RBFOX1: variants seen among roughly 807,000 people sequenced by gnomAD.
The protein encoded by RBFOX1 is RNA binding fox-1 homolog 1.
RBFOX1 carries 8 observed loss-of-function variants against 57.7 expected under a neutral mutation model. The observed-to-expected ratio is 0.14, with a 90% CI of 0.08 to 0.25. The LOEUF is 0.25. Ranked by LOEUF, RBFOX1 falls within the 10% of genes least tolerant of loss-of-function variation. The pLI, the probability that RBFOX1 is intolerant of heterozygous loss-of-function variation, is 1.00. For missense variants in RBFOX1, 611 were observed against 548.5 expected, an observed-to-expected ratio of 1.11 and a Z score of -1.14; for synonymous variants, 326 against 222.4, an observed-to-expected ratio of 1.47 and a Z score of -4.15.
intron 3 of RBFOX1, among the ~76,000 whole-genome samples, chr16:6,831,063 T>A (rs2141039517): frequency 6.6e-6 from 1 of 152,356 alleles, no homozygotes; most frequent in East Asian, 1.9e-4. Context: ...TAATCAAATG[T>A]ACCTCAACCT....
intron 4 of RBFOX1, among the ~76,000 whole-genome samples, chr16:7,096,742 G>A (rs1221305435): frequency 2.0e-5 from 3 of 151,960 alleles, no homozygotes; most frequent in African/African-American, 7.3e-5. Context: ...GACCAGCCTG[G>A]CTAACATGGT....
chr16:5,512,915 C>T (rs1434145585), intron 2 of RBFOX1, among the ~76,000 whole-genome samples: 1 of 152,122 alleles, frequency 6.6e-6, no homozygotes, highest in Non-Finnish European at 1.5e-5. Flanking sequence ...GATGGTTTCT[C>T]AGACTTTCCT....
At chr16:5,594,993 A>G (rs74663396) in intron 2 of RBFOX1, among the ~76,000 whole-genome samples, 1 of 149,834 alleles carries the variant, frequency 6.7e-6, no homozygotes, top group Non-Finnish European at 1.5e-5. Flanking sequence ...AAAAAAAAAA[A>G]AAATTAGCCA....
At chr16:5,547,643 G>A (rs2045267245) in intron 2 of RBFOX1, among the ~76,000 whole-genome samples, 1 of 152,120 alleles carries the variant, frequency 6.6e-6, no homozygotes, top group Non-Finnish European at 1.5e-5. Flanking sequence ...TTACAGAGAG[G>A]CACAAATTCA....
At chr16:5,920,107 G>A (rs1439477038) in intron 4 of RBFOX1, among the ~76,000 whole-genome samples, 5 of 151,916 alleles carry the variant, frequency 3.3e-5, no homozygotes, top group Non-Finnish European at 7.4e-5. Flanking sequence ...CTAATTTTTT[G>A]CATTTTTTGG....
chr16:6,521,292 G>T (rs1345108914), intron 2 of RBFOX1, among the ~76,000 whole-genome samples: 1 of 152,078 alleles, frequency 6.6e-6, no homozygotes, highest in Non-Finnish European at 1.5e-5. Flanking sequence ...TTAAAGAATG[G>T]ATATGTTAAT....
chr16:6,111,146 A>C (rs2096442211), intron 1 of RBFOX1, among the ~76,000 whole-genome samples: 1 of 152,208 alleles, frequency 6.6e-6, no homozygotes, highest in African/African-American at 2.4e-5. Context: ...TTCATAAAGA[A>C]AAATGGCAAT....
At chr16:5,241,274 C>A (rs1170790659) in intron 1 of RBFOX1, among the ~76,000 whole-genome samples, 2 of 152,174 alleles carry the variant, frequency 1.3e-5, no homozygotes, top group Non-Finnish European at 2.9e-5. Flanking sequence ...ACCTGGACAC[C>A]GAACTCAGGT....
chr16:5,790,596 G>T (rs1348473416), intron 3 of RBFOX1, among the ~76,000 whole-genome samples: 1 of 151,988 alleles, frequency 6.6e-6, no homozygotes, highest in South Asian at 2.1e-4. Flanking sequence ...AGGGTTTGGG[G>T]TTTGATCCTG....
At chr16:6,567,195 A>T (rs973536391) in intron 2 of RBFOX1, among the ~76,000 whole-genome samples, 2 of 152,180 alleles carry the variant, frequency 1.3e-5, no homozygotes, top group East Asian at 1.9e-4. Flanking sequence ...AAGCAGTCAG[A>T]CTATTTTAAA....
intron 1 of RBFOX1, among the ~76,000 whole-genome samples, chr16:6,110,872 C>A (rs2096439032): frequency 6.6e-6 from 1 of 152,148 alleles, no homozygotes; most frequent in South Asian, 2.1e-4. Context: ...AGCACCAGCC[C>A]CCACCACAAA....
chr16:7,234,517 A>C, intron 4 of RBFOX1, among the ~76,000 whole-genome samples: 1 of 151,986 alleles, frequency 6.6e-6, no homozygotes. Flanking sequence ...CAGGAATATA[A>C]GCATCGTGTC....
chr16:5,764,032 G>T (rs7190850), intron 3 of RBFOX1, among the ~76,000 whole-genome samples: 59,849 of 152,012 alleles, frequency 0.39, 11,997 homozygotes, highest in East Asian at 0.55. Context: ...CTGTACCCCC[G>T]TGGTTAGAAT....
At chr16:5,340,672 G>A (rs904523158) in intron 1 of RBFOX1, among the ~76,000 whole-genome samples, 3 of 152,204 alleles carry the variant, frequency 2.0e-5, no homozygotes, top group African/African-American at 7.2e-5. Flanking sequence ...AAGGCATATA[G>A]ACATGGAGCA....
chr16:5,983,841 C>CCTCCCTCCCTG (rs2060222534), intron 4 of RBFOX1, among the ~76,000 whole-genome samples: 2 of 142,682 alleles, frequency 1.4e-5, no homozygotes, highest in Admixed American at 1.4e-4. Context: ...TTCCCTCCCT[C>CCTCCCTCCCTG]CCTCCCTCCC....
At chr16:7,266,904 C>G (rs2095164922) in intron 4 of RBFOX1, among the ~76,000 whole-genome samples, 1 of 151,758 alleles carries the variant, frequency 6.6e-6, no homozygotes, top group African/African-American at 2.4e-5. Flanking sequence ...TGGAAGCACT[C>G]CTGGAGGTTG....
At chr16:6,355,445 C>G (rs1299400204) in intron 2 of RBFOX1, among the ~76,000 whole-genome samples, 2 of 152,154 alleles carry the variant, frequency 1.3e-5, no homozygotes, top group African/African-American at 4.8e-5. Context: ...TCACGCATGT[C>G]CCTGCAAAGG....
intron 3 of RBFOX1, among the ~76,000 whole-genome samples, chr16:5,683,003 T>G (rs546082689): frequency 8.5e-5 from 13 of 152,304 alleles, no homozygotes; most frequent in African/African-American, 3.1e-4. Flanking sequence ...TGAACCTTTG[T>G]TCATTCACTT....
At chr16:6,772,825 G>A (rs1470088919) in intron 3 of RBFOX1, among the ~76,000 whole-genome samples, 1 of 148,220 alleles carries the variant, frequency 6.7e-6, no homozygotes, top group East Asian at 2.1e-4. Context: ...GCATTTGTGT[G>A]TATGTGAGTG....
Sources: gnomAD v4.1 joint callset for allele counts (sites outside exome capture counted in the v4.1 genomes callset) on GRCh38, gnomAD v4.1.1 for gene constraint, MANE v1.5 for transcripts, NCBI Gene and HGNC (gene_info 2026-07-23, HGNC 2026-07-21) for gene names.